FTO: variants seen among roughly 807,000 people sequenced by gnomAD.
FTO encodes FTO alpha-ketoglutarate dependent dioxygenase.
A neutral mutation model predicts 63.9 loss-of-function variants in FTO; 47 were observed. The observed-to-expected ratio is 0.74, with a 90% CI of 0.58 to 0.94. FTO has a LOEUF of 0.94. Ranked by LOEUF, FTO falls within the 40% of genes least tolerant of loss-of-function variation. The pLI is 0.00. For synonymous variants in FTO, 207 were observed against 224.4 expected (o/e 0.92, Z 0.69); for missense variants, 562 against 618.1 (o/e 0.91, Z 0.96).
At chr16:53,808,594 T>A (rs74018598) in intron 1 of FTO, among the ~76,000 whole-genome samples, 1 of 152,188 alleles carries the variant, frequency 6.6e-6, no homozygotes, top group Admixed American at 6.5e-5. Flanking sequence ...TTCCTCTGAC[T>A]ACTCTGATTG....
At chr16:53,758,938 A>G (rs1451841299) in intron 1 of FTO, among the ~76,000 whole-genome samples, 2 of 152,152 alleles carry the variant, frequency 1.3e-5, no homozygotes, top group African/African-American at 4.8e-5. Flanking sequence ...GTTATTAGAG[A>G]TTTATGCTAA....
At chr16:53,932,980 A>G (rs1404867115) in intron 7 of FTO, among the ~76,000 whole-genome samples, 3 of 152,162 alleles carry the variant, frequency 2.0e-5, no homozygotes, top group Non-Finnish European at 4.4e-5. Context: ...AAGACTTTAT[A>G]CCATGAAAGA....
At chr16:54,015,648 C>T (rs1483887547) in intron 8 of FTO, among the ~76,000 whole-genome samples, 2 of 152,176 alleles carry the variant, frequency 1.3e-5, no homozygotes, top group East Asian at 1.9e-4. Context: ...ACATGAGTAA[C>T]GACTATTACT....
chr16:53,788,915 A>G (rs1210064042), intron 1 of FTO, among the ~76,000 whole-genome samples: 1 of 152,238 alleles, frequency 6.6e-6, no homozygotes, highest in African/African-American at 2.4e-5. Context: ...CATTTTGGAA[A>G]TGAAATATTT....
intron 3 of FTO, among the ~76,000 whole-genome samples, chr16:53,841,485 G>T (rs1280014483): frequency 6.6e-6 from 1 of 152,070 alleles, no homozygotes; most frequent in Non-Finnish European, 1.5e-5. Flanking sequence ...CAAACTTAGG[G>T]GAAAGAGTAT....
chr16:53,726,418 A>G (rs2076154664), intron 1 of FTO, among the ~76,000 whole-genome samples: 1 of 152,222 alleles, frequency 6.6e-6, no homozygotes, highest in African/African-American at 2.4e-5. Context: ...TCCCTAAAGA[A>G]GAATAAATTA....
intron 8 of FTO, among the ~76,000 whole-genome samples, chr16:53,967,610 G>A (rs2083223525): frequency 6.6e-6 from 1 of 152,196 alleles, no homozygotes; most frequent in African/African-American, 2.4e-5. Flanking sequence ...ATATTTTAAA[G>A]CAAGTGCATA....
chr16:54,037,447 C>T (rs1027914176), intron 8 of FTO, among the ~76,000 whole-genome samples: 1 of 152,218 alleles, frequency 6.6e-6, no homozygotes, highest in African/African-American at 2.4e-5. Flanking sequence ...ACTCTACCCT[C>T]CTTGTCACGT....
rs1486874289 is a variant in FTO, at chr16:53,933,251, CACAG to C, written c.1240-730_1240-727del. The stretch of plus-strand genomic sequence containing the variant: ...AAGGAATATATTGAATGACTTAGAA[CACAG>C]ACAATTTCATTGAAATTGTAGTGGC... On this transcript the variant is annotated intron_variant, in intron 7 of 8. Transcript: ENST00000471389. Among the ~76,000 whole-genome samples the C allele has an allele frequency of 2.6e-5, 4 of 152,102 alleles. No individual in the cohort carries two copies. The East Asian group carries it at 7.7e-4, about 29-fold the overall frequency.
intron 1 of FTO, among the ~76,000 whole-genome samples, chr16:53,712,464 G>A (rs974345163): frequency 4.6e-5 from 7 of 152,144 alleles, no homozygotes; most frequent in African/African-American, 1.7e-4. Flanking sequence ...GTTGACTTCT[G>A]TAAATAGAAG....
At chr16:53,779,699 A>G (rs2077541649) in intron 1 of FTO, among the ~76,000 whole-genome samples, 1 of 152,216 alleles carries the variant, frequency 6.6e-6, no homozygotes, top group Non-Finnish European at 1.5e-5. Flanking sequence ...CTTTTAGTGT[A>G]ACTCATCTGA....
At chr16:54,066,940 A>C (rs2085746000) in intron 8 of FTO, among the ~76,000 whole-genome samples, 1 of 152,252 alleles carries the variant, frequency 6.6e-6, no homozygotes, top group Admixed American at 6.5e-5. Flanking sequence ...AATTACATGC[A>C]CAGTTAAATG....
At chr16:53,780,206 T>A (rs1304868765) in intron 1 of FTO, among the ~76,000 whole-genome samples, 1 of 152,166 alleles carries the variant, frequency 6.6e-6, no homozygotes, top group Non-Finnish European at 1.5e-5. Flanking sequence ...GCTCGTTCAC[T>A]GTGCTCCAGA....
intron 8 of FTO, among the ~76,000 whole-genome samples, chr16:54,021,160 C>T (rs762519121): frequency 6.6e-6 from 1 of 152,154 alleles, no homozygotes; most frequent in Admixed American, 6.5e-5. Context: ...TCTATCCCTT[C>T]TTTTCTTTGT....
chr16:53,948,964 G>T (rs2082710853), intron 8 of FTO, among the ~76,000 whole-genome samples: 1 of 152,208 alleles, frequency 6.6e-6, no homozygotes, highest in South Asian at 2.1e-4. Flanking sequence ...GAGTGTGTAT[G>T]TGTGTACGTG....
chr16:53,953,752 C>A (rs1296212312), intron 8 of FTO, among the ~76,000 whole-genome samples: 2 of 152,110 alleles, frequency 1.3e-5, no homozygotes, highest in Non-Finnish European at 2.9e-5. Flanking sequence ...CTTTTATAGC[C>A]ACAGAAGCCA....
At chr16:53,811,664 C>T (rs1395549903) in intron 2 of FTO, among the ~76,000 whole-genome samples, 1 of 152,166 alleles carries the variant, frequency 6.6e-6, no homozygotes, top group Non-Finnish European at 1.5e-5. Flanking sequence ...CATTGACTGG[C>T]TCCTACATTT....
intron 8 of FTO, among the ~76,000 whole-genome samples, chr16:53,987,045 T>C (rs920763117): frequency 6.6e-6 from 1 of 152,250 alleles, no homozygotes; most frequent in Admixed American, 6.5e-5. Context: ...GATGTAAACT[T>C]CTATTAAAGC....
rs529340733 is a variant in FTO at position 53,903,281 on chromosome 16, C to T, written c.1239+14330C>T. Among the ~76,000 whole-genome samples, 11 of 147,240 alleles carry T rather than the reference C, an allele frequency of 7.5e-5. No individual in the cohort carries two copies. In the South Asian group the frequency reaches 1.3e-3, roughly 17 times the overall value. ...GTTTTTTTTTTTTTTTTCCTTGAGA[C>T]GGAGTCTTCCTCTGTTGCCCAGGCT... On this transcript the variant is annotated intron_variant, in intron 7 of 8. Transcript: ENST00000471389.
Sources: gnomAD v4.1 joint callset for allele counts (sites outside exome capture counted in the v4.1 genomes callset) on GRCh38, gnomAD v4.1.1 for gene constraint, MANE v1.5 for transcripts, NCBI Gene and HGNC (gene_info 2026-07-23, HGNC 2026-07-21) for gene names.